Variants in WIZ observed in about 807,000 individuals in gnomAD.
The protein encoded by WIZ is protein Wiz.
WIZ carries 25 observed loss-of-function variants against 140.2 expected under a neutral mutation model. The ratio of observed to expected loss-of-function variants is 0.18; its 90% CI spans 0.13 to 0.25. The LOEUF is 0.25. Ranked by LOEUF, WIZ falls within the 10% of genes least tolerant of loss-of-function variation. The pLI is 1.00. For synonymous variants in WIZ, 1,125 were observed against 1,154.3 expected, an observed-to-expected ratio of 0.97 and a Z score of 0.51; for missense variants, 2,231 against 2,632.6, an observed-to-expected ratio of 0.85 and a Z score of 3.34.
rs1320686730 is a variant in WIZ, at chr19:15,428,384, G to A, written c.3540C>T (p.Asp1180=). 6 of 1,535,540 alleles carry A rather than the reference G, an allele frequency of 3.9e-6. No individual in the cohort carries two copies. Among genetic ancestry groups the A allele is most frequent in the East Asian group, 2.4e-5 (1 of 40,900 alleles). The part of the protein sequence containing the change: ...HLRHLGVSDP[D]AKGSPIDVLH... ...GCACGTCTATGGGGGATCCCTTGGC[G>A]TCCGGATCGCTGACGCCCAGGTGGC... The change falls in exon 8 of 13, where the codon GAC becomes GAT. Residue 1180 remains aspartate (D), a synonymous_variant. Coordinates refer to ENST00000673675, the MANE Select transcript of WIZ (RefSeq NM_001371589.1). This position sits in a 1 kb window ranked among gnomAD's most constrained non-coding sequence, Gnocchi z 6.4.
Position 15,437,031 on chromosome 19 carries a change from G to A in WIZ, c.2515C>T (p.His839Tyr). 6.2e-7 allele frequency: 1 copy of A among 1,613,966 alleles called. No homozygotes were observed. Among genetic ancestry groups the A allele is most frequent in the South Asian group, 1.1e-5 (1 of 91,062 alleles). Residue 839 changes from histidine to tyrosine, a missense_variant, in exon 5 of 13, where the codon CAC (histidine) becomes TAC (tyrosine). Physicochemically the swap from His to Tyr is moderately conservative, Grantham distance 83. Around this residue, in one of 15 missense-constraint regions of WIZ, gnomAD observed 118 missense variants for 209.1 expected, o/e 0.56. Transcript: ENST00000673675. ...TTGGTGATACCGAAGTCACGTAGGT[G>A]GGCCCGGGCGTGGCTGGAGAGGCCG... Reference protein sequence around the residue: ...RAGLSSHARAHLRDFGITNWE... With the variant: ...RAGLSSHARAYLRDFGITNWE...
Position 15,425,326 on chromosome 19 carries a change from G to A in WIZ, c.4809C>T (p.Leu1603=), listed in dbSNP as rs1968675875. ...AGGTCTTGGCCTTGACCTCTGCTGG[G>A]AGGAGGCGGTCCTCCTGCAGGGGCC... ...AKRPLQEDRL[L]PAEVKAKTYI... The change falls in exon 10 of 13, where the codon CTC becomes CTT. Residue 1603 remains leucine (L), a synonymous_variant. Transcript: ENST00000673675. 1 of 1,573,234 alleles carries A rather than the reference G, an allele frequency of 6.4e-7. No individual in the cohort carries two copies. Among genetic ancestry groups the A allele is most frequent in the South Asian group, 1.2e-5 (1 of 86,356 alleles).
Position 15,427,676 on chromosome 19 carries a change from G to C in WIZ, c.3815-143C>G. 5 of 932,232 alleles carry C rather than the reference G, an allele frequency of 5.4e-6. No individual in the cohort carries two copies. The highest frequency in any genetic ancestry group is 7.8e-6 in the Non-Finnish European group (5 of 639,060). 57.7% of individuals were successfully genotyped at this position (932,232 alleles called of 1,614,324 possible). On this transcript the variant is annotated intron_variant, in intron 8 of 12. Coordinates refer to ENST00000673675, the MANE Select transcript of WIZ (RefSeq NM_001371589.1). This position sits in a 1 kb window ranked among gnomAD's most constrained non-coding sequence, Gnocchi z 6.4. Reference sequence around the variant, plus strand: ...TGAGGGCAGGTGCAGGTAAGGGAGTGGAGGAGCGGGGCTGGGGGCCAGATA... The same window carrying C: ...TGAGGGCAGGTGCAGGTAAGGGAGTCGAGGAGCGGGGCTGGGGGCCAGATA...
chr19:15,423,038 C>T lies in WIZ; in HGVS notation c.*38G>A. 2 of 1,600,320 alleles carry T rather than the reference C, an allele frequency of 1.2e-6. No homozygotes were observed. Among genetic ancestry groups the T allele is most frequent in the Non-Finnish European group, 8.5e-7 (1 of 1,173,188 alleles). ...GACACAGAGGAGGAAGAAGAGGAGA[C>T]AGAGGTGGCACGAGAGGGGATCTGG... On this transcript the variant is annotated 3_prime_UTR_variant, in exon 13 of 13. Coordinates refer to ENST00000673675, the MANE Select transcript of WIZ (RefSeq NM_001371589.1).
Position 15,438,959 on chromosome 19 carries a change from G to A in WIZ, c.2035C>T (p.Arg679Ter). Residue 679 changes from arginine to a stop codon, truncating the protein, a stop_gained, in exon 4 of 13, where the codon CGA (arginine) becomes TGA (stop). Coordinates refer to ENST00000673675, the MANE Select transcript of WIZ (RefSeq NM_001371589.1). LOFTEE classifies it high-confidence loss of function. Reference sequence around the variant, plus strand: ...ACGAGCACAATGGGTACCATCCCTCGGAGCTGCTGCTGCTGCCCCTGGGTG... The same window carrying A: ...ACGAGCACAATGGGTACCATCCCTCAGAGCTGCTGCTGCTGCCCCTGGGTG... ...EATQGQQQQL[R>*]GMVPIVLVAK... is the part of the protein sequence containing the mutation. 1 of 1,452,256 alleles carries A rather than the reference G, an allele frequency of 6.9e-7. No homozygotes were observed. Among genetic ancestry groups the A allele is most frequent in the Non-Finnish European group, 9.0e-7 (1 of 1,105,426 alleles). 90.0% of individuals were successfully genotyped at this position (1,452,256 alleles called of 1,614,324 possible). A position where few individuals can be genotyped will look rare whatever the true frequency, so the allele number is the denominator to read the frequency against.
Position 15,439,230 on chromosome 19 carries a change from G to T in WIZ, c.1764C>A (p.Thr588=), listed in dbSNP as rs1969636640. Residue 588 remains threonine, a synonymous_variant, in exon 4 of 13, where the codon ACC becomes ACA. Transcript: ENST00000673675. The surrounding 1 kb of genome is among the most constrained non-coding windows in gnomAD (Gnocchi z 7.0). The part of the protein sequence containing the change: ...RLAFPSTLAS[T]PYSLQLGRNK... ...TTCTCCCGAGCTGTAAGGAGTAGGG[G>T]GTGGATGCTAGTGTGGAGGGAAAGG... 6.5e-7 allele frequency: 1 copy of T among 1,535,618 alleles called. No homozygotes were observed. The highest frequency in any genetic ancestry group is 1.4e-5 in the African/African-American group (1 of 73,032).
intron 5 of WIZ, chr19:15,436,470 T>G: frequency 8.8e-6 from 2 of 227,976 alleles, no homozygotes; most frequent in South Asian, 1.2e-4. Context: ...ACCTGCCTTA[T>G]AGGATTGTTG....
rs1969040859 is a variant in WIZ at position 15,428,961 on chromosome 19, CACCCCCAGACTCTAATG to C, written c.3416-470_3416-454del. Reference sequence around the variant, plus strand: ...TGGGCAGGGGGTGAGACCCTGGGGTCACCCCCAGACTCTAATGTCCACAAAGATATGGGAAAGCCTGA... The same window carrying C: ...TGGGCAGGGGGTGAGACCCTGGGGTCTCCACAAAGATATGGGAAAGCCTGA... On this transcript the variant is annotated intron_variant, in intron 7 of 12. Coordinates refer to ENST00000673675, the MANE Select transcript of WIZ (RefSeq NM_001371589.1). The surrounding 1 kb of genome is among the most constrained non-coding windows in gnomAD (Gnocchi z 6.4). 6.6e-6 allele frequency among the ~76,000 whole-genome samples: 1 copy of C among 152,156 alleles called. No homozygotes were observed. Among genetic ancestry groups the C allele is most frequent in the South Asian group, 2.1e-4 (1 of 4,834 alleles).
Position 15,427,015 on chromosome 19 carries a change from C to A in WIZ, c.4333G>T (p.Ala1445Ser), listed in dbSNP as rs762618499. ...AGGGGTGTCATGTCTTCCCGTGGTG[C>A]CCCCCAGGGACCCTCAGATGGGTGC... ...ELHPSEGPWG[A>S]PREDMTPLNL... Residue 1445 changes from alanine to serine, a missense_variant, in exon 9 of 13, where the codon GCA (alanine) becomes TCA (serine). Transcript: ENST00000673675. The surrounding 1 kb of genome is among the most constrained non-coding windows in gnomAD (Gnocchi z 6.4). 1.9e-6 allele frequency: 3 copies of A among 1,613,626 alleles called. No homozygotes were observed. Among genetic ancestry groups the A allele is most frequent in the East Asian group, 4.5e-5 (2 of 44,888 alleles).
At chr19:15,432,600 G>C (rs1207520995) in intron 5 of WIZ, 10 of 275,990 alleles carry the variant, frequency 3.6e-5, no homozygotes, top group Non-Finnish European at 5.4e-5. Flanking sequence ...GGCTGGGCGG[G>C]GGCGCCCCCG....
At position 15,425,372 on chromosome 19, in the gene WIZ, A is replaced by G. The variant is rs970899553; in HGVS notation, c.4763T>C (p.Leu1588Pro). 5.1e-6 allele frequency: 8 copies of G among 1,557,438 alleles called. No individual in the cohort carries two copies. In the African/African-American group the frequency reaches 1.1e-4, roughly 21 times the overall value. ...TGAKPSATGY[L>P]GSVAAKRPLQ... ...GGGCCGCTTGGCTGCCACTGAGCCC[A>G]GGTAGCCAGTGGCTGAGGGCTTGGC... is the stretch of plus-strand genomic sequence containing the variant. The change falls in exon 10 of 13, where the codon CTG becomes CCG. Residue 1588 changes from leucine (L) to proline (P), a missense_variant. Physicochemically the swap from Leu to Pro is moderately conservative, Grantham distance 98. This residue lies in a region of WIZ where 393 missense variants were observed against 451.7 expected (regional missense o/e 0.87). Coordinates refer to ENST00000673675, the MANE Select transcript of WIZ (RefSeq NM_001371589.1).
intron 4 of WIZ, among the ~76,000 whole-genome samples, 170 bp downstream of exon 4, chr19:15,438,407 TG>T (rs1568308332): frequency 6.6e-6 from 1 of 152,202 alleles, no homozygotes; most frequent in African/African-American, 2.4e-5. Flanking sequence ...GCCAGGGGAC[TG>T]GGGCGTCTCC....
chr19:15,434,151 G>C (rs1969424076), intron 5 of WIZ, among the ~76,000 whole-genome samples: 1 of 152,118 alleles, frequency 6.6e-6, no homozygotes, highest in East Asian at 1.9e-4. Flanking sequence ...CCAGCTACTT[G>C]GGAGGCTGAG....
chr19:15,440,487 C>T lies in WIZ; in HGVS notation c.507G>A (p.Gly169=). The T allele has an allele frequency of 2.6e-6, 4 of 1,536,056 alleles. No individual in the cohort carries two copies. Among genetic ancestry groups the T allele is most frequent in the Non-Finnish European group, 3.5e-6 (4 of 1,146,876 alleles). Residue 169 remains glycine, a synonymous_variant, in exon 4 of 13, where the codon GGG becomes GGA. Transcript: ENST00000673675. This position sits in a 1 kb window ranked among gnomAD's most constrained non-coding sequence, Gnocchi z 6.2. ...CATGTTTCTCCAAAAGCCTTGGTTC[C>T]CCCCGGTGGTGTAAGAACCTTCTAG... ...EGSRRFLHHR[G]EPRLLEKHAQ... is the part of the protein sequence containing the mutation.
rs190443764 is a variant in WIZ at position 15,442,131 on chromosome 19, G to A, written c.278+545C>T. ...GAACCCAGGAGGTGGAGGTTGCAGT[G>A]AGCCAAGATCACGCCACTGCACTCC... On this transcript the variant is annotated intron_variant, in intron 3 of 12. Coordinates refer to ENST00000673675, the MANE Select transcript of WIZ (RefSeq NM_001371589.1). This position sits in a 1 kb window ranked among gnomAD's most constrained non-coding sequence, Gnocchi z 5.5. Among the ~76,000 whole-genome samples, 1 of 151,424 alleles carries A rather than the reference G, an allele frequency of 6.6e-6. No individual in the cohort carries two copies. The highest frequency in any genetic ancestry group is 1.9e-4 in the East Asian group (1 of 5,130).
chr19:15,438,843 CA>C lies in WIZ; in HGVS notation c.2150del (p.Leu717ArgfsTer28). 1 of 1,485,614 alleles carries C rather than the reference CA, an allele frequency of 6.7e-7. No individual in the cohort carries two copies. Among genetic ancestry groups the C allele is most frequent in the Non-Finnish European group, 9.0e-7 (1 of 1,115,802 alleles). The allele number at this position is 1,485,614 out of a possible 1,614,324, so 92.0% of individuals were successfully genotyped here. ...EELGLAGAHP[L>X]DFLLLDAPLG... The stretch of plus-strand genomic sequence containing the variant: ...GCGGCGCGTCCAGGAGCAGGAAGTC[CA>C]GGGGGTGGGCGCCTGCCAGCCCCAG... On this transcript the variant is annotated frameshift_variant, in exon 4 of 13. Transcript: ENST00000673675. LOFTEE classifies it high-confidence loss of function.
Position 15,428,067 on chromosome 19 carries a change from C to T in WIZ, c.3814+43G>A. On this transcript the variant is annotated intron_variant, in intron 8 of 12. Coordinates refer to ENST00000673675, the MANE Select transcript of WIZ (RefSeq NM_001371589.1). The surrounding 1 kb of genome is among the most constrained non-coding windows in gnomAD (Gnocchi z 6.4). Reference sequence around the variant, plus strand: ...GTGACCCCCCCCCCGGGAGGGGCTCCAGGGCCCGCAGTGAGGAGGGGGCAG... The same window carrying T: ...GTGACCCCCCCCCCGGGAGGGGCTCTAGGGCCCGCAGTGAGGAGGGGGCAG... 1 of 1,524,146 alleles carries T rather than the reference C, an allele frequency of 6.6e-7. No individual in the cohort carries two copies. The highest frequency in any genetic ancestry group is 8.8e-7 in the Non-Finnish European group (1 of 1,142,556). 94.4% of individuals were successfully genotyped at this position (1,524,146 alleles called of 1,614,324 possible). A position where few individuals can be genotyped will look rare whatever the true frequency, so the allele number is the denominator to read the frequency against.
intron 9 of WIZ, 109 bp downstream of exon 9, chr19:15,426,873 C>T (rs762446832): frequency 5.3e-5 from 70 of 1,323,582 alleles, no homozygotes; most frequent in Non-Finnish European, 4.7e-5. Context: ...TCTCTACCTG[C>T]GTGTCCTCCC....
chr19:15,428,055 C>CCG lies in WIZ; in HGVS notation c.3814+54_3814+55insCG, dbSNP rs1213426457. 2 of 1,511,318 alleles carry CCG rather than the reference C, an allele frequency of 1.3e-6. No individual in the cohort carries two copies. Among genetic ancestry groups the CCG allele is most frequent in the African/African-American group, 1.4e-5 (1 of 72,076 alleles). The allele number at this position is 1,511,318 out of a possible 1,614,324, so 93.6% of individuals were successfully genotyped here. ...AGGGAGGGGGCTGTGACCCCCCCCC[C>CCG]GGGAGGGGCTCCAGGGCCCGCAGTG... On this transcript the variant is annotated intron_variant, in intron 8 of 12. Coordinates refer to ENST00000673675, the MANE Select transcript of WIZ (RefSeq NM_001371589.1). This position sits in a 1 kb window ranked among gnomAD's most constrained non-coding sequence, Gnocchi z 6.4.
Sources: gnomAD v4.1 joint callset for allele counts (sites outside exome capture counted in the v4.1 genomes callset) on GRCh38, gnomAD v4.1.1 for gene constraint, gnomAD v4.1.1 regional missense constraint, Gnocchi (gnomAD v3.1) non-coding constraint, MANE v1.5 for transcripts, NCBI Gene and HGNC (gene_info 2026-07-23, HGNC 2026-07-21) for gene names.